Variants in DLGAP2 observed in about 807,000 individuals in gnomAD.
The protein encoded by DLGAP2 is disks large-associated protein 2.
DLGAP2 carries 26 observed loss-of-function variants against 100.3 expected under a neutral mutation model. The observed-to-expected ratio is 0.26, with a 90% CI of 0.19 to 0.36. DLGAP2 has a LOEUF of 0.36. DLGAP2 is among the 10% of genes least tolerant of loss of function. The pLI, the probability that DLGAP2 is intolerant of heterozygous loss-of-function variation, is 1.00. For missense variants in DLGAP2, 1,858 were observed against 1,453.2 expected, an observed-to-expected ratio of 1.28 and a Z score of -4.53; for synonymous variants, 886 against 630.1, an observed-to-expected ratio of 1.41 and a Z score of -6.08.
intron 3 of DLGAP2, among the ~76,000 whole-genome samples, chr8:1,422,440 C>T (rs922510597): frequency 1.3e-5 from 2 of 151,950 alleles, no homozygotes; most frequent in Non-Finnish European, 1.5e-5. Context: ...CGTGACTGAG[C>T]GAGGATCACT....
chr8:831,774 C>T (rs34276138), intron 1 of DLGAP2, among the ~76,000 whole-genome samples: 16,777 of 152,182 alleles, frequency 0.11, 1,485 homozygotes, highest in East Asian at 0.52. Flanking sequence ...AGTTCTAGAT[C>T]CTTAGGAATG....
chr8:1,336,615 C>A (rs552709681), intron 3 of DLGAP2, among the ~76,000 whole-genome samples: 1 of 152,324 alleles, frequency 6.6e-6, no homozygotes, highest in Non-Finnish European at 1.5e-5. Flanking sequence ...ACACCAGCAG[C>A]CTCTGTGGCT....
In DLGAP2 at chr8:1,387,803, G is replaced by A. The variant is rs80299257; in HGVS notation, c.107-113563G>A. On this transcript the variant is annotated intron_variant, in intron 3 of 14. Transcript: ENST00000637795. ...GGAGGGCCTCACCTGTGCCACAATCGGAACCAGGAAAAGGCATGAAATTGT... is the reference window on the plus strand; with the variant it reads ...GGAGGGCCTCACCTGTGCCACAATCAGAACCAGGAAAAGGCATGAAATTGT... 3.9e-3 allele frequency among the ~76,000 whole-genome samples: 600 copies of A among 152,266 alleles called. 3 individuals carry two copies. Among genetic ancestry groups the A allele is most frequent in the African/African-American group, 0.014 (572 of 41,560 alleles).
intron 2 of DLGAP2, among the ~76,000 whole-genome samples, chr8:969,508 C>G (rs1799962302): frequency 6.6e-6 from 1 of 150,952 alleles, no homozygotes; most frequent in African/African-American, 2.4e-5. Context: ...CAAGAACCAA[C>G]TGTTAAGTTT....
intron 2 of DLGAP2, among the ~76,000 whole-genome samples, chr8:1,040,784 A>G (rs571058522): frequency 6.6e-6 from 1 of 152,254 alleles, no homozygotes; most frequent in South Asian, 2.1e-4. Flanking sequence ...GGCTGTGAAA[A>G]TGCAGATCCA....
At chr8:1,273,507 C>T (rs888098746) in intron 3 of DLGAP2, among the ~76,000 whole-genome samples, 20 of 152,300 alleles carry the variant, frequency 1.3e-4, no homozygotes, top group African/African-American at 4.8e-4. Flanking sequence ...TCTCGAGCTG[C>T]GGCAGTTCAC....
intron 1 of DLGAP2, among the ~76,000 whole-genome samples, chr8:879,635 A>G (rs895216056): frequency 6.6e-6 from 1 of 152,140 alleles, no homozygotes; most frequent in Non-Finnish European, 1.5e-5. Context: ...TTCTTTAGTT[A>G]CTTGTGCTAC....
rs1160543625 is a variant in DLGAP2 at position 912,368 on chromosome 8, AT to A, written c.73+4405del. Among the ~76,000 whole-genome samples the A allele has an allele frequency of 2.4e-4, 37 of 152,278 alleles. 1 individual carries two copies. The highest frequency in any genetic ancestry group is 8.4e-4 in the African/African-American group (35 of 41,554). The stretch of plus-strand genomic sequence containing the variant: ...GTGTTTGTGGAACTGACGGTTGCTT[AT>A]TTGCAAATACGTAATGGAAACTCCT... On this transcript the variant is annotated intron_variant, in intron 2 of 14. Coordinates refer to ENST00000637795, the MANE Select transcript of DLGAP2 (RefSeq NM_001346810.2).
At chr8:1,006,256 A>T (rs961236706) in intron 2 of DLGAP2, among the ~76,000 whole-genome samples, 1 of 152,156 alleles carries the variant, frequency 6.6e-6, no homozygotes, top group Admixed American at 6.5e-5. Flanking sequence ...CAACTGTGCT[A>T]TGCTTCTGGG....
intron 2 of DLGAP2, among the ~76,000 whole-genome samples, chr8:986,639 C>A (rs141399133): frequency 6.6e-6 from 1 of 150,828 alleles, no homozygotes; most frequent in Admixed American, 6.6e-5. Context: ...TGGGCACCCA[C>A]TGCATGTCAA....
chr8:1,504,608 T>C (rs1799840535), intron 4 of DLGAP2, among the ~76,000 whole-genome samples: 1 of 152,208 alleles, frequency 6.6e-6, no homozygotes, highest in African/African-American at 2.4e-5. Context: ...AGTTCTATGC[T>C]TTCAGATTCC....
At chr8:1,242,668 G>A (rs763730787) in intron 2 of DLGAP2, among the ~76,000 whole-genome samples, 53 of 152,194 alleles carry the variant, frequency 3.5e-4, no homozygotes, top group Non-Finnish European at 5.3e-4. Context: ...TGATTAACAT[G>A]CCCTCTCCTC....
At chr8:1,042,746 CG>C (rs1802391502) in intron 2 of DLGAP2, among the ~76,000 whole-genome samples, 2 of 85,118 alleles carry the variant, frequency 2.3e-5, no homozygotes, top group Admixed American at 2.5e-4. Flanking sequence ...GGATGTGGGT[CG>C]TGGATGTAGG....
chr8:882,919 G>T (rs995772213), intron 1 of DLGAP2, among the ~76,000 whole-genome samples: 5 of 152,246 alleles, frequency 3.3e-5, no homozygotes, highest in African/African-American at 1.2e-4. Flanking sequence ...CTCTGCATCG[G>T]TCTGGGCATG....
chr8:884,664 T>G (rs1300515605), intron 1 of DLGAP2, among the ~76,000 whole-genome samples: 1 of 152,242 alleles, frequency 6.6e-6, no homozygotes, highest in Non-Finnish European at 1.5e-5. Context: ...TTTTGGCTTT[T>G]ATTGCCACTG....
chr8:1,211,328 C>T (rs1798100130), intron 2 of DLGAP2, among the ~76,000 whole-genome samples: 1 of 152,170 alleles, frequency 6.6e-6, no homozygotes, highest in Non-Finnish European at 1.5e-5. Flanking sequence ...AGGGCTTTTG[C>T]AGGGGTAATG....
At chr8:794,580 G>A (rs1277836210) in intron 1 of DLGAP2, among the ~76,000 whole-genome samples, 1 of 152,242 alleles carries the variant, frequency 6.6e-6, no homozygotes, top group East Asian at 1.9e-4. Flanking sequence ...GTTATTGTTT[G>A]TGGCTTAGGA....
intron 2 of DLGAP2, among the ~76,000 whole-genome samples, chr8:1,229,772 A>G (rs1337916717): frequency 6.6e-6 from 1 of 152,220 alleles, no homozygotes; most frequent in African/African-American, 2.4e-5. Flanking sequence ...CAAAAACCAT[A>G]CGTTCATCTG....
chr8:1,315,638 C>T (rs77668123), intron 3 of DLGAP2, among the ~76,000 whole-genome samples: 190 of 129,066 alleles, frequency 1.5e-3, no homozygotes, highest in East Asian at 8.8e-3. Flanking sequence ...AAAAATAGAG[C>T]GTGTGCAAGT....
Sources: allele counts gnomAD v4.1 joint callset (sites outside exome capture counted in the v4.1 genomes callset), GRCh38; gene constraint gnomAD v4.1.1; transcripts MANE v1.5; gene names NCBI Gene and HGNC (gene_info 2026-07-23, HGNC 2026-07-21).